PCDH9: variants seen among roughly 807,000 people sequenced by gnomAD.
PCDH9 encodes protocadherin-9.
PCDH9 carries 24 observed loss-of-function variants against 70.6 expected under a neutral mutation model. That is an observed-to-expected ratio of 0.34 (90% CI 0.25 to 0.48). The LOEUF is 0.48. Ranked by LOEUF, PCDH9 falls within the 20% of genes least tolerant of loss-of-function variation. The pLI, the probability that PCDH9 is intolerant of heterozygous loss-of-function variation, is 0.99. For synonymous variants in PCDH9, 562 were observed against 558.5 expected, an observed-to-expected ratio of 1.01 and a Z score of -0.09; for missense variants, 1,281 against 1,503.6, an observed-to-expected ratio of 0.85 and a Z score of 2.45.
chr13:66,718,589 C>CA (rs1222158162), intron 3 of PCDH9, among the ~76,000 whole-genome samples: 1 of 151,880 alleles, frequency 6.6e-6, no homozygotes, highest in African/African-American at 2.4e-5. Flanking sequence ...TGCTAAAAGG[C>CA]AAAAAATAAA....
intron 2 of PCDH9, among the ~76,000 whole-genome samples, chr13:67,008,055 A>G (rs1388177524): frequency 1.3e-5 from 2 of 152,106 alleles, no homozygotes; most frequent in Non-Finnish European, 2.9e-5. Flanking sequence ...AAGCTCACAT[A>G]CATTTTATTA....
intron 2 of PCDH9, among the ~76,000 whole-genome samples, chr13:67,200,738 C>T (rs907485928): frequency 6.6e-6 from 1 of 151,958 alleles, no homozygotes; most frequent in African/African-American, 2.4e-5. Flanking sequence ...CTTGACATTT[C>T]GATGCTGAAG....
At chr13:66,849,272 G>GGCAATTGATTT (rs1475585293) in intron 3 of PCDH9, among the ~76,000 whole-genome samples, 2 of 151,752 alleles carry the variant, frequency 1.3e-5, no homozygotes, top group Non-Finnish European at 1.5e-5. Flanking sequence ...TACTTAATTT[G>GGCAATTGATTT]GCAATGCATG....
At chr13:66,519,920 T>C (rs1447653567) in intron 4 of PCDH9, among the ~76,000 whole-genome samples, 3 of 152,214 alleles carry the variant, frequency 2.0e-5, no homozygotes, top group African/African-American at 7.2e-5. Context: ...TATATTTTAC[T>C]GAAAAAGTAT....
At chr13:66,764,088 C>A (rs1248876249) in intron 3 of PCDH9, among the ~76,000 whole-genome samples, 2 of 151,864 alleles carry the variant, frequency 1.3e-5, no homozygotes, top group South Asian at 4.2e-4. Flanking sequence ...TGTGAGCCAC[C>A]GCGCCAGGCC....
intron 4 of PCDH9, among the ~76,000 whole-genome samples, chr13:66,582,248 T>C (rs571927283): frequency 3.9e-5 from 6 of 152,156 alleles, no homozygotes; most frequent in Non-Finnish European, 8.8e-5. Context: ...ATAGCACCCA[T>C]GCTAAGAATA....
intron 3 of PCDH9, among the ~76,000 whole-genome samples, chr13:66,681,594 GT>G (rs973991292): frequency 3.3e-5 from 5 of 151,906 alleles, no homozygotes; most frequent in African/African-American, 1.2e-4. Flanking sequence ...GATCCCATTT[GT>G]TTATTTGAAC....
chr13:67,134,850 T>C (rs1341775021), intron 2 of PCDH9, among the ~76,000 whole-genome samples: 1 of 152,080 alleles, frequency 6.6e-6, no homozygotes, highest in Non-Finnish European at 1.5e-5. Flanking sequence ...AAAATTTATG[T>C]TGAAAACTGT....
intron 4 of PCDH9, among the ~76,000 whole-genome samples, chr13:66,443,078 G>A (rs1958005500): frequency 6.6e-6 from 1 of 152,086 alleles, no homozygotes; most frequent in Non-Finnish European, 1.5e-5. Context: ...GCAAAGCAAG[G>A]GGCTAACTGC....
chr13:67,213,723 TATTTTA>T (rs1175907497), intron 2 of PCDH9: 2 of 152,122 alleles, frequency 1.3e-5, no homozygotes, highest in South Asian at 2.1e-4. Flanking sequence ...AAAGAATGAG[TATTTTA>T]ATTTTAAGTT....
chr13:66,901,344 C>T (rs1449956580), intron 3 of PCDH9, among the ~76,000 whole-genome samples: 8 of 151,640 alleles, frequency 5.3e-5, no homozygotes, highest in Non-Finnish European at 7.4e-5. Flanking sequence ...TACTATTTAA[C>T]ACAGAAAGAT....
chr13:66,566,689 T>C (rs1186904826), intron 4 of PCDH9, among the ~76,000 whole-genome samples: 1 of 152,130 alleles, frequency 6.6e-6, no homozygotes, highest in Admixed American at 6.5e-5. Context: ...TTTGGCCTGT[T>C]ATTAGTTGTT....
rs370860672 is a variant in PCDH9, at chr13:67,074,418, T to C, written c.3036+150987A>G. On this transcript the variant is annotated intron_variant, in intron 2 of 4. Transcript: ENST00000377865. ...GAGTTCTCAGCCTCAAGAACTGTGA[T>C]AAATAAGTTTTTGTTGTTAAGCTAC... Among the ~76,000 whole-genome samples, 138 of 152,254 alleles carry C rather than the reference T, an allele frequency of 9.1e-4. 7 individuals are homozygous for C. The South Asian group carries it at 0.028, about 31-fold the overall frequency.
chr13:67,201,697 T>C (rs1416078874), intron 2 of PCDH9: 2 of 152,038 alleles, frequency 1.3e-5, no homozygotes, highest in Admixed American at 1.3e-4. Context: ...ATTGAACTTC[T>C]TACCTGCTCT....
At chr13:66,772,717 T>C (rs1451861844) in intron 3 of PCDH9, among the ~76,000 whole-genome samples, 1 of 152,068 alleles carries the variant, frequency 6.6e-6, no homozygotes, top group African/African-American at 2.4e-5. Context: ...TATGAAAATA[T>C]CACAGTAAAT....
intron 3 of PCDH9, 83 bp from the exon 4 acceptor site, chr13:66,631,494 T>C: frequency 1.3e-6 from 1 of 767,752 alleles, no homozygotes; most frequent in Non-Finnish European, 2.2e-6. Context: ...CAAAACACTT[T>C]CAACAAGTAA....
At chr13:66,522,735 T>C (rs1960053350) in intron 4 of PCDH9, among the ~76,000 whole-genome samples, 2 of 152,030 alleles carry the variant, frequency 1.3e-5, no homozygotes, top group African/African-American at 4.8e-5. Context: ...CTAAAGGGCA[T>C]GTGGAACCAA....
intron 4 of PCDH9, chr13:66,306,043 TA>T (rs1955458844): frequency 6.6e-6 from 1 of 152,118 alleles, no homozygotes; most frequent in East Asian, 1.9e-4. Context: ...ACGTGATAGA[TA>T]AATGATAGCT....
At chr13:66,847,318 A>G (rs1216307307) in intron 3 of PCDH9, among the ~76,000 whole-genome samples, 4 of 152,188 alleles carry the variant, frequency 2.6e-5, no homozygotes, top group Non-Finnish European at 5.9e-5. Flanking sequence ...AAGTTTTTAT[A>G]AAATACATTT....
Sources: gnomAD v4.1 joint callset for allele counts (sites outside exome capture counted in the v4.1 genomes callset) on GRCh38, gnomAD v4.1.1 for gene constraint, MANE v1.5 for transcripts, NCBI Gene and HGNC (gene_info 2026-07-23, HGNC 2026-07-21) for gene names.